Variants in DNM3 observed in about 807,000 individuals in gnomAD.
DNM3 encodes dynamin-3.
A neutral mutation model predicts 101.6 loss-of-function variants in DNM3; 47 were observed. The ratio of observed to expected loss-of-function variants is 0.46; its 90% confidence interval spans 0.37 to 0.59. The LOEUF is 0.59. DNM3 is among the 20% of genes least tolerant of loss of function. The pLI is 0.00. For synonymous variants in DNM3, 385 were observed against 387.9 expected (o/e 0.99, Z 0.09); for missense variants, 849 against 1,085.7 (o/e 0.78, Z 3.06).
chr1:172,332,282 TTCA>T (rs1180091024), intron 17 of DNM3, among the ~76,000 whole-genome samples: 3 of 152,136 alleles, frequency 2.0e-5, no homozygotes, highest in African/African-American at 7.2e-5. Context: ...CATCTGAACA[TTCA>T]TCATCAAGTT....
chr1:171,955,604 A>G (rs1165423059), intron 2 of DNM3, among the ~76,000 whole-genome samples: 1 of 152,230 alleles, frequency 6.6e-6, no homozygotes, highest in Non-Finnish European at 1.5e-5. Context: ...TCCCATAACT[A>G]TAACCATGTC....
At chr1:172,023,872 CT>C (rs1186327585) in intron 4 of DNM3, among the ~76,000 whole-genome samples, 6 of 137,782 alleles carry the variant, frequency 4.4e-5, no homozygotes, top group East Asian at 4.3e-4. Context: ...TTGTTTACTT[CT>C]TTTTTTTTTC....
At chr1:172,355,887 G>T (rs572854278) in intron 17 of DNM3, among the ~76,000 whole-genome samples, 1 of 152,118 alleles carries the variant, frequency 6.6e-6, no homozygotes, top group South Asian at 2.1e-4. Flanking sequence ...GATCTAGGAA[G>T]ACCACAGATA....
At chr1:172,090,115 T>C (rs1296165016) in intron 12 of DNM3, among the ~76,000 whole-genome samples, 1 of 152,196 alleles carries the variant, frequency 6.6e-6, no homozygotes, top group Non-Finnish European at 1.5e-5. Flanking sequence ...TACAATAATT[T>C]GTTCAAAGGA....
chr1:171,998,621 T>C lies in DNM3; in HGVS notation c.589+9473T>C, dbSNP rs146561185. ...AATTCTTGGCCTTCTAGAGCTTGTA[T>C]TCTAATGGGGGAAACAGCCAGATAA... is the stretch of plus-strand genomic sequence containing the variant. On this transcript the variant is annotated intron_variant, in intron 4 of 20. Coordinates refer to ENST00000627582, the MANE Select transcript of DNM3 (RefSeq NM_015569.5). 3.3e-3 allele frequency among the ~76,000 whole-genome samples: 508 copies of C among 152,260 alleles called. 3 individuals are homozygous for C. Among genetic ancestry groups the C allele is most frequent in the African/African-American group, 0.011 (468 of 41,570 alleles).
intron 17 of DNM3, chr1:172,370,337 T>C (rs1458365911): frequency 6.6e-6 from 1 of 152,004 alleles, no homozygotes; most frequent in African/African-American, 2.4e-5. Context: ...GAAAAAGTTC[T>C]CATTTTAAAT....
intron 13 of DNM3, among the ~76,000 whole-genome samples, chr1:172,127,723 G>A (rs1341760544): frequency 6.6e-6 from 1 of 151,860 alleles, no homozygotes; most frequent in Non-Finnish European, 1.5e-5. Flanking sequence ...TACTAATTAT[G>A]AATCAATAAA....
intron 14 of DNM3, among the ~76,000 whole-genome samples, chr1:172,214,502 T>G (rs2060624356): frequency 8.0e-6 from 1 of 125,004 alleles, no homozygotes; most frequent in African/African-American, 3.1e-5. Context: ...TATATACACA[T>G]ACACACACCT....
Position 171,959,581 on chromosome 1 carries a change from A to G in DNM3, c.236-28075A>G, listed in dbSNP as rs940872719. On this transcript the variant is annotated intron_variant, in intron 2 of 20. Transcript: ENST00000627582. Reference sequence around the variant, plus strand: ...TTGTCTTTCAAACCAAAAAATGGATAAAATTGCCCCGGAAGAATTAAAAAC... The same window carrying G: ...TTGTCTTTCAAACCAAAAAATGGATGAAATTGCCCCGGAAGAATTAAAAAC... Among the ~76,000 whole-genome samples the G allele has an allele frequency of 3.3e-5, 5 of 152,320 alleles. No individual in the cohort carries two copies. In the South Asian group the frequency reaches 1.0e-3, roughly 32 times the overall value.
At chr1:172,264,894 A>G (rs1190041119) in intron 15 of DNM3, among the ~76,000 whole-genome samples, 2 of 152,198 alleles carry the variant, frequency 1.3e-5, no homozygotes, top group African/African-American at 4.8e-5. Context: ...CTGATACTGT[A>G]GTTTAGAGAT....
chr1:172,002,716 T>C (rs2046426517), intron 4 of DNM3, among the ~76,000 whole-genome samples: 1 of 152,066 alleles, frequency 6.6e-6, no homozygotes, highest in Admixed American at 6.6e-5. Context: ...GGGAAAATGA[T>C]ATGATTATAA....
chr1:171,938,624 T>C (rs1167443228), intron 2 of DNM3, among the ~76,000 whole-genome samples: 1 of 152,224 alleles, frequency 6.6e-6, no homozygotes, highest in African/African-American at 2.4e-5. Flanking sequence ...TATTTTTCCT[T>C]GAATATTGGA....
In DNM3 at chr1:172,323,391, G is replaced by A. The variant is rs186625546; in HGVS notation, c.1893+51G>A. 1.4e-3 allele frequency: 2,207 copies of A among 1,578,324 alleles called. 6 individuals are homozygous for A. The highest frequency in any genetic ancestry group is 4.4e-3 in the African/African-American group (323 of 73,748). On this transcript the variant is annotated intron_variant, in intron 17 of 20. Transcript: ENST00000627582. ...CTTCTGTCCCCCCAGCCCCTGCTCC[G>A]CTCCTGCATGTCTTGACAAGAGTGT...
intron 13 of DNM3, among the ~76,000 whole-genome samples, chr1:172,108,560 G>GA (rs1195106559): frequency 1.3e-5 from 2 of 152,116 alleles, no homozygotes; most frequent in Non-Finnish European, 2.9e-5. Flanking sequence ...ATAATCTCTT[G>GA]AAAAAATGTA....
intron 13 of DNM3, among the ~76,000 whole-genome samples, chr1:172,109,089 G>A (rs113080249): frequency 2.0e-5 from 3 of 151,904 alleles, no homozygotes; most frequent in Non-Finnish European, 4.4e-5. Flanking sequence ...GTTTTAATTT[G>A]AGTCTCAATT....
chr1:172,117,891 A>C (rs1207921171), intron 13 of DNM3, among the ~76,000 whole-genome samples: 1 of 152,202 alleles, frequency 6.6e-6, no homozygotes, highest in African/African-American at 2.4e-5. Flanking sequence ...TGGTAAGAAG[A>C]AAGACAACTG....
At chr1:172,035,744 C>T (rs907538333) in intron 6 of DNM3, among the ~76,000 whole-genome samples, 3 of 152,092 alleles carry the variant, frequency 2.0e-5, no homozygotes, top group Non-Finnish European at 4.4e-5. Context: ...TCTCTTGTGA[C>T]GTTGCTGTCG....
chr1:171,965,510 T>TTCCACTGTAAAGCCTGGACAACAGAGC (rs1340680513), intron 2 of DNM3, among the ~76,000 whole-genome samples: 70 of 151,866 alleles, frequency 4.6e-4, no homozygotes, highest in Middle Eastern at 3.4e-3. Flanking sequence ...GCCATGATTG[T>TTCCACTGTAAAGCCTGGACAACAGAGC]TCCACTGTAA....
intron 14 of DNM3, chr1:172,137,712 G>A (rs993875557): frequency 1.3e-5 from 2 of 152,110 alleles, no homozygotes; most frequent in African/African-American, 4.8e-5. Flanking sequence ...ATCTAAGAAA[G>A]ATGAAAATTA....
Sources: allele counts gnomAD v4.1 joint callset (sites outside exome capture counted in the v4.1 genomes callset), GRCh38; gene constraint gnomAD v4.1.1; transcripts MANE v1.5; gene names NCBI Gene and HGNC (gene_info 2026-07-23, HGNC 2026-07-21).